ZBTB7A: variants seen among roughly 807,000 people sequenced by gnomAD.
ZBTB7A encodes the protein zinc finger and BTB domain containing 7A, also known as zinc finger and BTB domain-containing protein 7A.
ZBTB7A carries 7 observed loss-of-function variants against 26.7 expected under a neutral mutation model. The observed-to-expected ratio is 0.26, with a 90% CI of 0.15 to 0.49. ZBTB7A has a LOEUF of 0.49. Among genes scored for constraint, ZBTB7A ranks in the 20% least tolerant of loss-of-function variants. The pLI is 0.98. For synonymous variants in ZBTB7A, 452 were observed against 441.0 expected, an observed-to-expected ratio of 1.02 and a Z score of -0.31; for missense variants, 617 against 919.5, an observed-to-expected ratio of 0.67 and a Z score of 4.25.
At chr19:4,058,184 G>A (rs977345074) in intron 1 of ZBTB7A, among the ~76,000 whole-genome samples, 1 of 152,188 alleles carries the variant, frequency 6.6e-6, no homozygotes, top group Non-Finnish European at 1.5e-5. Context: ...GCTCAGCCCT[G>A]GCTGTGAGTA....
At chr19:4,060,643 A>T (rs905986220) in intron 1 of ZBTB7A, among the ~76,000 whole-genome samples, 3 of 152,132 alleles carry the variant, frequency 2.0e-5, no homozygotes, top group Non-Finnish European at 4.4e-5. Context: ...GCATCCCAAG[A>T]AGGGCACCCC....
chr19:4,045,939 T>G lies in ZBTB7A; in HGVS notation c.*1813A>C, dbSNP rs1599244200. 5.1e-6 allele frequency: 2 copies of G among 392,020 alleles called. No individual in the cohort carries two copies. Among genetic ancestry groups the G allele is most frequent in the Admixed American group, 4.5e-5 (1 of 22,170 alleles). 24.3% of individuals were successfully genotyped at this position (392,020 alleles called of 1,614,324 possible). A position where few individuals can be genotyped will look rare whatever the true frequency, so the allele number is the denominator to read the frequency against. On this transcript the variant is annotated 3_prime_UTR_variant, in exon 3 of 3. Coordinates refer to ENST00000322357, the MANE Select transcript of ZBTB7A (RefSeq NM_015898.4). This position sits in a 1 kb window ranked among gnomAD's most constrained non-coding sequence, Gnocchi z 4.1. ...GGCGGTGGTTCTAAGGCCCTGGAGG[T>G]GGGGGGCCCCTGTCACCCACCTCAG...
intron 1 of ZBTB7A, among the ~76,000 whole-genome samples, chr19:4,060,436 AAACT>A (rs2040627293): frequency 6.6e-6 from 1 of 152,318 alleles, no homozygotes; most frequent in South Asian, 2.1e-4. Context: ...CTGTGCTCCC[AAACT>A]AACTGGGCAC....
intron 1 of ZBTB7A, among the ~76,000 whole-genome samples, chr19:4,057,026 G>GA (rs773127216): frequency 0.024 from 1,853 of 78,408 alleles, 54 homozygotes; most frequent in African/African-American, 0.076. Context: ...GACTCGGTCT[G>GA]AAAAAAAAAA....
In ZBTB7A at chr19:4,047,730, T is replaced by C; in HGVS notation, c.*22A>G. ...CTCTCTGTCTCTCTCTTTCTCGGGTTTCTGTTTTCTCTTTTTGGTTTTTAG... is the reference window on the plus strand; with the variant it reads ...CTCTCTGTCTCTCTCTTTCTCGGGTCTCTGTTTTCTCTTTTTGGTTTTTAG... On this transcript the variant is annotated 3_prime_UTR_variant, in exon 3 of 3. Transcript: ENST00000322357. 1 of 1,580,944 alleles carries C rather than the reference T, an allele frequency of 6.3e-7. No homozygotes were observed. Among genetic ancestry groups the C allele is most frequent in the East Asian group, 2.3e-5 (1 of 43,034 alleles).
At chr19:4,057,783 A>AC (rs1193868008) in intron 1 of ZBTB7A, among the ~76,000 whole-genome samples, 1 of 147,516 alleles carries the variant, frequency 6.8e-6, no homozygotes, top group East Asian at 2.0e-4. Flanking sequence ...CTCGTCTCCA[A>AC]AAAAAAAAAA....
intron 1 of ZBTB7A, among the ~76,000 whole-genome samples, chr19:4,060,755 G>A (rs546342618): frequency 1.3e-5 from 2 of 152,210 alleles, no homozygotes; most frequent in Non-Finnish European, 2.9e-5. Context: ...TGGGAGCCAG[G>A]GGCCTCCCCA....
In ZBTB7A at chr19:4,054,518, T is replaced by C; in HGVS notation, c.715A>G (p.Ser239Gly). 7.0e-7 allele frequency: 1 copy of C among 1,432,370 alleles called. No homozygotes were observed. Among genetic ancestry groups the C allele is most frequent in the Non-Finnish European group, 9.1e-7 (1 of 1,103,402 alleles). The allele number at this position is 1,432,370 out of a possible 1,614,324, so 88.7% of individuals were successfully genotyped here. A position where few individuals can be genotyped will look rare whatever the true frequency, so the allele number is the denominator to read the frequency against. Residue 239 changes from serine (S) to glycine (G), a missense_variant, in exon 2 of 3, where the codon AGC becomes GGC. This residue lies in a region of ZBTB7A where 331 missense variants were observed against 391.3 expected (regional missense o/e 0.85). Transcript: ENST00000322357. ...PPTGDGDEGD[S>G]NPGLWPERDE... ...CGCTCTGGCCACAGACCCGGGTTGC[T>C]GTCGCCCTCGTCCCCGTCCCCCGTC...
rs2040461267 is a variant in ZBTB7A at position 4,048,994 on chromosome 19, GA to G, written c.1263-751del. Reference sequence around the variant, plus strand: ...CTGTCTCCAAAAAAAAAAAAAAAGAGAGGCAGGGTCTGGCTTTGTCCCCCAG... The same window carrying G: ...CTGTCTCCAAAAAAAAAAAAAAAGAGGGCAGGGTCTGGCTTTGTCCCCCAG... On this transcript the variant is annotated intron_variant, in intron 2 of 2. Coordinates refer to ENST00000322357, the MANE Select transcript of ZBTB7A (RefSeq NM_015898.4). This position sits in a 1 kb window ranked among gnomAD's most constrained non-coding sequence, Gnocchi z 6.7. Among the ~76,000 whole-genome samples, 1 of 146,618 alleles carries G rather than the reference GA, an allele frequency of 6.8e-6. No individual in the cohort carries two copies. Among genetic ancestry groups the G allele is most frequent in the African/African-American group, 2.5e-5 (1 of 39,770 alleles).
chr19:4,063,861 G>C (rs1381141132), intron 1 of ZBTB7A, among the ~76,000 whole-genome samples: 1 of 152,126 alleles, frequency 6.6e-6, no homozygotes, highest in Non-Finnish European at 1.5e-5. Context: ...CACCTGCTCC[G>C]AGGCTTGCTC....
intron 1 of ZBTB7A, among the ~76,000 whole-genome samples, chr19:4,058,746 A>G (rs983429557): frequency 9.9e-5 from 15 of 152,116 alleles, no homozygotes; most frequent in Non-Finnish European, 1.9e-4. Flanking sequence ...CAGGCCCCAC[A>G]AGGGAGGCAT....
intron 2 of ZBTB7A, among the ~76,000 whole-genome samples, chr19:4,050,873 C>A (rs1014940452): frequency 1.3e-5 from 2 of 151,902 alleles, no homozygotes; most frequent in African/African-American, 4.8e-5. Context: ...CTAAGGCGGG[C>A]AGATCACCTG....
chr19:4,049,310 T>C (rs971659547), intron 2 of ZBTB7A, among the ~76,000 whole-genome samples: 2 of 145,218 alleles, frequency 1.4e-5, no homozygotes, highest in African/African-American at 5.4e-5. Context: ...GCTCTAGGAT[T>C]ACAGGTGTGA....
At chr19:4,063,523 G>A (rs960876700) in intron 1 of ZBTB7A, among the ~76,000 whole-genome samples, 8 of 152,350 alleles carry the variant, frequency 5.3e-5, no homozygotes, top group African/African-American at 1.7e-4. Context: ...GCAGGGAGGC[G>A]AGAGGGCTGT....
chr19:4,063,563 G>A (rs1473793849), intron 1 of ZBTB7A, among the ~76,000 whole-genome samples: 1 of 152,198 alleles, frequency 6.6e-6, no homozygotes, highest in Non-Finnish European at 1.5e-5. Flanking sequence ...TGGGAGCCAT[G>A]CTGGCCCTCT....
rs1011086683 is a variant in ZBTB7A at position 4,044,247 on chromosome 19, G to T, written c.*3505C>A. 1.1e-4 allele frequency: 16 copies of T among 148,714 alleles called. No individual in the cohort carries two copies. The highest frequency in any genetic ancestry group is 3.7e-4 in the African/African-American group (14 of 38,244). 9.2% of individuals were successfully genotyped at this position (148,714 alleles called of 1,614,324 possible). On this transcript the variant is annotated 3_prime_UTR_variant, in exon 3 of 3. Transcript: ENST00000322357. ...GACAGGACTGCATGGCCACAATGGT[G>T]GGGGGGCAGACTTTGGTATCGCCCG... is the stretch of plus-strand genomic sequence containing the variant.
At chr19:4,062,158 T>C (rs986896101) in intron 1 of ZBTB7A, 1 of 152,212 alleles carries the variant, frequency 6.6e-6, no homozygotes, top group Non-Finnish European at 1.5e-5. Context: ...TCAGGCATCC[T>C]GATAGGTGGG....
chr19:4,057,400 G>A (rs923083277), intron 1 of ZBTB7A, among the ~76,000 whole-genome samples: 30 of 152,188 alleles, frequency 2.0e-4, no homozygotes, highest in African/African-American at 7.0e-4. Context: ...GGACGCAGTA[G>A]CTCGAGAGAA....
At chr19:4,059,656 G>A (rs1599260759) in intron 1 of ZBTB7A, among the ~76,000 whole-genome samples, 1 of 152,068 alleles carries the variant, frequency 6.6e-6, no homozygotes, top group African/African-American at 2.4e-5. Context: ...ACCCACCCAG[G>A]GCAAGGCCCT....
Sources: gnomAD v4.1 joint callset for allele counts (sites outside exome capture counted in the v4.1 genomes callset) on GRCh38, gnomAD v4.1.1 for gene constraint, gnomAD v4.1.1 regional missense constraint, Gnocchi (gnomAD v3.1) non-coding constraint, MANE v1.5 for transcripts, NCBI Gene and HGNC (gene_info 2026-07-23, HGNC 2026-07-21) for gene names.